AP3S1: variants seen among roughly 807,000 people sequenced by gnomAD.
AP3S1 encodes the protein AP-3 complex subunit sigma-1.
A neutral mutation model predicts 21.3 loss-of-function variants in AP3S1; 12 were observed. That is an observed-to-expected ratio of 0.56 (90% confidence interval 0.36 to 0.91). AP3S1 has a LOEUF of 0.91. Among genes scored for constraint, AP3S1 ranks in the 40% least tolerant of loss-of-function variants. AP3S1 has a pLI of 0.01. For synonymous variants in AP3S1, 48 were observed against 78.4 expected, an observed-to-expected ratio of 0.61 and a Z score of 2.05; for missense variants, 116 against 225.0, an observed-to-expected ratio of 0.52 and a Z score of 3.10.
chr5:115,910,769 TATC>T (rs1212621891), intron 5 of AP3S1, among the ~76,000 whole-genome samples: 1 of 152,194 alleles, frequency 6.6e-6, no homozygotes, highest in African/African-American at 2.4e-5. Flanking sequence ...CAATTGTCCT[TATC>T]ATATTTTCTC....
rs529836174 is a variant in AP3S1 at position 115,880,199 on chromosome 5, T to A, written c.273+10071T>A. ...TTGAAGGGTTTTTCATGTCTCTGTC[T>A]CCTTCAGTTCTACTCTGATCTTAGT... is the stretch of plus-strand genomic sequence containing the variant. On this transcript the variant is annotated intron_variant, in intron 3 of 5. Transcript: ENST00000316788. Among the ~76,000 whole-genome samples the A allele has an allele frequency of 3.9e-5, 6 of 152,326 alleles. No homozygotes were observed. In the South Asian group the frequency reaches 1.2e-3, roughly 32 times the overall value.
chr5:115,866,135 A>G (rs775466437), intron 1 of AP3S1, among the ~76,000 whole-genome samples: 1 of 152,210 alleles, frequency 6.6e-6, no homozygotes, highest in African/African-American at 2.4e-5. Context: ...TGCTTGGTCC[A>G]GGTTAATAAA....
At position 115,846,176 on chromosome 5, in the gene AP3S1, A is replaced by T. The variant is rs190569104; in HGVS notation, c.69+4070A>T. ...TCCTCTGGTGAATTACTTTTAAAAA[A>T]TTTTTCTTTTTTTATAGAGAAAAGG... On this transcript the variant is annotated intron_variant, in intron 1 of 5. Coordinates refer to ENST00000316788, the MANE Select transcript of AP3S1 (RefSeq NM_001284.4). 4.3e-3 allele frequency among the ~76,000 whole-genome samples: 659 copies of T among 152,120 alleles called. 3 individuals carry two copies. The highest frequency in any genetic ancestry group is 7.1e-3 in the Non-Finnish European group (486 of 67,984).
chr5:115,892,889 T>C (rs540868630), intron 3 of AP3S1, among the ~76,000 whole-genome samples: 2 of 152,358 alleles, frequency 1.3e-5, no homozygotes, highest in East Asian at 3.9e-4. Flanking sequence ...GTGATTATCA[T>C]GCATTGCATG....
At chr5:115,851,435 C>G (rs559383429) in intron 1 of AP3S1, among the ~76,000 whole-genome samples, 1 of 152,260 alleles carries the variant, frequency 6.6e-6, no homozygotes, top group South Asian at 2.1e-4. Flanking sequence ...TACCATTTTA[C>G]ATTCCCACCA....
intron 1 of AP3S1, among the ~76,000 whole-genome samples, chr5:115,861,754 C>G (rs1763203290): frequency 1.3e-5 from 2 of 151,914 alleles, no homozygotes; most frequent in Non-Finnish European, 2.9e-5. Flanking sequence ...GCCATGTTGA[C>G]CAGGCTGGTC....
chr5:115,851,491 G>GT (rs1438976530), intron 1 of AP3S1, among the ~76,000 whole-genome samples: 1 of 151,928 alleles, frequency 6.6e-6, no homozygotes, highest in Non-Finnish European at 1.5e-5. Flanking sequence ...GTTATTTTTT[G>GT]TTTTTTGAAA....
intron 3 of AP3S1, among the ~76,000 whole-genome samples, chr5:115,875,223 A>G (rs1748603833): frequency 6.6e-6 from 1 of 152,110 alleles, no homozygotes; most frequent in Admixed American, 6.6e-5. Context: ...GATGGCTTGG[A>G]ATGAATTTTA....
rs182477163 is a variant in AP3S1, at chr5:115,853,208, C to T, written c.69+11102C>T. Among the ~76,000 whole-genome samples, 382 of 152,268 alleles carry T rather than the reference C, an allele frequency of 2.5e-3. 3 individuals are homozygous for T. Among genetic ancestry groups the T allele is most frequent in the African/African-American group, 8.7e-3 (361 of 41,568 alleles). On this transcript the variant is annotated intron_variant, in intron 1 of 5. Transcript: ENST00000316788. ...AGTATCTTATTGTGATTTTCACTTA[C>T]ATTTTCCTGATGACAGATGATGTTG...
chr5:115,867,001 A>G (rs1183432463), intron 2 of AP3S1, among the ~76,000 whole-genome samples: 1 of 152,140 alleles, frequency 6.6e-6, no homozygotes, highest in African/African-American at 2.4e-5. Flanking sequence ...TAAATCGTAA[A>G]AATTCCAACA....
At chr5:115,879,760 A>C (rs1229926992) in intron 3 of AP3S1, among the ~76,000 whole-genome samples, 2 of 152,130 alleles carry the variant, frequency 1.3e-5, no homozygotes, top group Non-Finnish European at 2.9e-5. Context: ...CATTGATCGG[A>C]GTAGTTTCAG....
intron 3 of AP3S1, among the ~76,000 whole-genome samples, chr5:115,889,655 C>T (rs1425651614): frequency 6.6e-6 from 1 of 152,048 alleles, no homozygotes; most frequent in East Asian, 1.9e-4. Flanking sequence ...ATACATATGA[C>T]AAAAGACTGT....
At chr5:115,855,140 G>A (rs1001348606) in intron 1 of AP3S1, among the ~76,000 whole-genome samples, 12 of 151,864 alleles carry the variant, frequency 7.9e-5, no homozygotes, top group Non-Finnish European at 1.0e-4. Context: ...GGGTTCAAGC[G>A]ATTCTCCTGC....
intron 3 of AP3S1, among the ~76,000 whole-genome samples, chr5:115,892,934 T>C (rs542107619): frequency 2.6e-5 from 4 of 152,192 alleles, no homozygotes; most frequent in African/African-American, 7.2e-5. Context: ...CCCACAGATA[T>C]ATATACCTAT....
chr5:115,881,295 A>T (rs1205322228), intron 3 of AP3S1, among the ~76,000 whole-genome samples: 5 of 152,050 alleles, frequency 3.3e-5, no homozygotes, highest in Non-Finnish European at 5.9e-5. Context: ...TCATAGTGTC[A>T]ATGGTCTTCA....
intron 1 of AP3S1, among the ~76,000 whole-genome samples, chr5:115,855,873 G>A (rs1055906143): frequency 1.3e-5 from 2 of 152,042 alleles, no homozygotes; most frequent in African/African-American, 2.4e-5. Flanking sequence ...TGATGAGGAT[G>A]GGAGATGACA....
chr5:115,895,672 C>T (rs942014745), intron 4 of AP3S1, among the ~76,000 whole-genome samples: 6 of 151,956 alleles, frequency 3.9e-5, no homozygotes, highest in Non-Finnish European at 5.9e-5. Context: ...TTTTTACTGA[C>T]GTTATTATTG....
At chr5:115,885,277 T>C (rs1381362329) in intron 3 of AP3S1, among the ~76,000 whole-genome samples, 2 of 152,076 alleles carry the variant, frequency 1.3e-5, no homozygotes, top group Non-Finnish European at 2.9e-5. Flanking sequence ...AGTCCTACAA[T>C]AGGCCGTCTG....
At chr5:115,864,814 T>C (rs541837375) in intron 1 of AP3S1, among the ~76,000 whole-genome samples, 2 of 152,322 alleles carry the variant, frequency 1.3e-5, no homozygotes, top group Admixed American at 1.3e-4. Flanking sequence ...TGAGTGCTTC[T>C]GAACAATGCC....
Sources: gnomAD v4.1 joint callset for allele counts (sites outside exome capture counted in the v4.1 genomes callset) on GRCh38, gnomAD v4.1.1 for gene constraint, MANE v1.5 for transcripts, NCBI Gene and HGNC (gene_info 2026-07-23, HGNC 2026-07-21) for gene names.